Variants in TXNDC16 observed in about 807,000 individuals in gnomAD.
TXNDC16 encodes the protein thioredoxin domain containing 16.
Under a neutral mutation model 85.6 loss-of-function variants are expected in TXNDC16, and 74 were observed. The ratio of observed to expected loss-of-function variants is 0.86; its 90% CI spans 0.72 to 1.05. TXNDC16 has a LOEUF of 1.05. Among genes scored for constraint, TXNDC16 ranks in the 50% least tolerant of loss-of-function variants. The pLI, the probability that TXNDC16 is intolerant of heterozygous loss-of-function variation, is 0.00. For missense variants in TXNDC16, 959 were observed against 947.0 expected, an observed-to-expected ratio of 1.01 and a Z score of -0.17; for synonymous variants, 335 against 326.5, an observed-to-expected ratio of 1.03 and a Z score of -0.28.
intron 18 of TXNDC16, among the ~76,000 whole-genome samples, chr14:52,450,993 G>A (rs1253133444): frequency 6.6e-6 from 1 of 151,738 alleles, no homozygotes; most frequent in Non-Finnish European, 1.5e-5. Context: ...GATGGAGCTG[G>A]AGACCATTAT....
In TXNDC16 at chr14:52,473,755, A is replaced by T. The variant is rs76559200; in HGVS notation, c.1313-3075T>A. On this transcript the variant is annotated intron_variant, in intron 14 of 20. Coordinates refer to ENST00000281741, the MANE Select transcript of TXNDC16 (RefSeq NM_020784.3). ...TCTTAGATACAGGTATTATGTAAGTATAAAATTTTGACATTTGCTGCCACC... is the reference window on the plus strand; with the variant it reads ...TCTTAGATACAGGTATTATGTAAGTTTAAAATTTTGACATTTGCTGCCACC... 4.8e-3 allele frequency among the ~76,000 whole-genome samples: 738 copies of T among 152,352 alleles called. 13 individuals carry two copies. The highest frequency in any genetic ancestry group is 0.039 in the Admixed American group (601 of 15,300).
chr14:52,445,574 T>C (rs1169255848), intron 18 of TXNDC16, among the ~76,000 whole-genome samples: 1 of 152,250 alleles, frequency 6.6e-6, no homozygotes, highest in East Asian at 1.9e-4. Context: ...TTACATTTGT[T>C]GTGCCCTTGA....
chr14:52,474,438 TG>T (rs1003222969), intron 14 of TXNDC16, among the ~76,000 whole-genome samples: 1 of 152,078 alleles, frequency 6.6e-6, no homozygotes, highest in Non-Finnish European at 1.5e-5. Context: ...TAAGAGGATC[TG>T]CTTTTTAAAA....
At chr14:52,483,323 T>C (rs1401921692) in intron 12 of TXNDC16, among the ~76,000 whole-genome samples, 1 of 152,194 alleles carries the variant, frequency 6.6e-6, no homozygotes, top group East Asian at 1.9e-4. Context: ...ATGGAACTTC[T>C]ATCTATGGAA....
At chr14:52,542,227 G>T in intron 4 of TXNDC16, 144 bp downstream of exon 4, 1 of 586,030 alleles carries the variant, frequency 1.7e-6, no homozygotes, top group South Asian at 2.6e-5. Flanking sequence ...TATCTTTCTG[G>T]GCTTCTGTTT....
chr14:52,453,725 T>C (rs1192445375), intron 18 of TXNDC16, among the ~76,000 whole-genome samples: 1 of 152,176 alleles, frequency 6.6e-6, no homozygotes, highest in Non-Finnish European at 1.5e-5. Flanking sequence ...ATCCATATGC[T>C]GAATGAAACT....
At position 52,542,373 on chromosome 14, in the gene TXNDC16, T is replaced by TA; in HGVS notation, c.240_241insT (p.Lys81Ter). The TA allele has an allele frequency of 6.3e-7, 1 of 1,599,336 alleles. No individual in the cohort carries two copies. Among genetic ancestry groups the TA allele is most frequent in the Non-Finnish European group, 8.5e-7 (1 of 1,172,032 alleles). ...TAGTAACATAAATATCTTTCTACCT[T>TA]GGCAACTGAAATTCCATAGTCCTGC... On this transcript the variant is annotated frameshift_variant, in exon 4 of 21. Coordinates refer to ENST00000281741, the MANE Select transcript of TXNDC16 (RefSeq NM_020784.3). LOFTEE classifies it high-confidence loss of function.
intron 9 of TXNDC16, among the ~76,000 whole-genome samples, chr14:52,506,150 G>A (rs533311787): frequency 6.6e-6 from 1 of 152,180 alleles, no homozygotes; most frequent in Non-Finnish European, 1.5e-5. Context: ...GAGGTACAAG[G>A]AGGAGCTGGT....
intron 14 of TXNDC16, among the ~76,000 whole-genome samples, chr14:52,472,300 C>T (rs1242127159): frequency 6.6e-6 from 1 of 151,828 alleles, no homozygotes; most frequent in Non-Finnish European, 1.5e-5. Context: ...CGAGTTCAGG[C>T]GATTCTCCTG....
intron 14 of TXNDC16, among the ~76,000 whole-genome samples, chr14:52,481,057 G>C (rs915456468): frequency 2.0e-5 from 3 of 150,292 alleles, no homozygotes; most frequent in African/African-American, 7.3e-5. Flanking sequence ...GCAGTGACCA[G>C]GATGAGACTG....
At position 52,543,412 on chromosome 14, in the gene TXNDC16, T is replaced by G; in HGVS notation, c.146A>C (p.Tyr49Ser). Residue 49 changes from tyrosine to serine, a missense_variant, in exon 3 of 21, where the codon TAT becomes TCT. By Grantham distance (144) the Tyr-to-Ser change is moderately radical. Coordinates refer to ENST00000281741, the MANE Select transcript of TXNDC16 (RefSeq NM_020784.3). The stretch of plus-strand genomic sequence containing the variant: ...AAAATACTTACCAGCTTGACAAAAA[T>G]AAGCTAAAGAGGCTTTTCCTGGTTG... ...TLQPGKASLA[Y>S]FCQADSPRTS... 1 of 1,604,088 alleles carries G rather than the reference T, an allele frequency of 6.2e-7. No individual in the cohort carries two copies. The highest frequency in any genetic ancestry group is 1.1e-5 in the South Asian group (1 of 88,146).
At chr14:52,540,636 GA>G (rs1456644677) in intron 4 of TXNDC16, among the ~76,000 whole-genome samples, 2 of 151,584 alleles carry the variant, frequency 1.3e-5, no homozygotes, top group African/African-American at 4.8e-5. Context: ...AAAAAAAGAA[GA>G]AAAAAAACTT....
rs368677615 is a variant in TXNDC16, at chr14:52,519,133, A to G, written c.514+39T>C. On this transcript the variant is annotated intron_variant, in intron 7 of 20. Coordinates refer to ENST00000281741, the MANE Select transcript of TXNDC16 (RefSeq NM_020784.3). ...TAAGTACTTCAACATACATAAGTAC[A>G]GAGGCACAGCAAAGATTAAAGCAAA... is the stretch of plus-strand genomic sequence containing the variant. 14 of 1,589,122 alleles carry G rather than the reference A, an allele frequency of 8.8e-6. No individual in the cohort carries two copies. In the African/African-American group the frequency reaches 1.9e-4, roughly 22 times the overall value.
At chr14:52,520,661 T>C (rs921486270) in intron 6 of TXNDC16, among the ~76,000 whole-genome samples, 4 of 152,104 alleles carry the variant, frequency 2.6e-5, no homozygotes, top group Non-Finnish European at 2.9e-5. Context: ...TCTACTTCTA[T>C]ATAAATTCTC....
At chr14:52,513,490 T>C (rs1248369746) in intron 8 of TXNDC16, among the ~76,000 whole-genome samples, 1 of 152,032 alleles carries the variant, frequency 6.6e-6, no homozygotes, top group African/African-American at 2.4e-5. Flanking sequence ...GAAATGATAT[T>C]CCAAACTTCC....
chr14:52,521,579 C>T (rs932437150), intron 6 of TXNDC16, among the ~76,000 whole-genome samples: 1 of 152,218 alleles, frequency 6.6e-6, no homozygotes, highest in Non-Finnish European at 1.5e-5. Context: ...CCAAATAATG[C>T]CTTAGTATTA....
chr14:52,432,241 C>A lies in TXNDC16; in HGVS notation c.*63G>T, dbSNP rs979512636. 7.1e-7 allele frequency: 1 copy of A among 1,417,558 alleles called. No homozygotes were observed. Among genetic ancestry groups the A allele is most frequent in the Non-Finnish European group, 9.5e-7 (1 of 1,052,628 alleles). The allele number at this position is 1,417,558 out of a possible 1,614,324, so 87.8% of individuals were successfully genotyped here. ...AAACTTGAAATGATTTAATATTATT[C>A]TTTAAGGAAATAAATTAAGTCTATC... On this transcript the variant is annotated 3_prime_UTR_variant, in exon 21 of 21. Coordinates refer to ENST00000281741, the MANE Select transcript of TXNDC16 (RefSeq NM_020784.3).
chr14:52,542,065 C>T (rs1229957153), intron 4 of TXNDC16, among the ~76,000 whole-genome samples: 1 of 151,972 alleles, frequency 6.6e-6, no homozygotes, highest in East Asian at 1.9e-4. Context: ...TTAGGCAAAA[C>T]AAAACAGAAC....
At position 52,515,166 on chromosome 14, in the gene TXNDC16, G is replaced by C. The variant is rs184264899; in HGVS notation, c.515-196C>G. On this transcript the variant is annotated intron_variant, in intron 7 of 20. Transcript: ENST00000281741. Reference sequence around the variant, plus strand: ...AAAAAGTCTATTCTATTCAAGGTAAGAGAAGAATTCAGAGGGAGTAGAAAA... The same window carrying C: ...AAAAAGTCTATTCTATTCAAGGTAACAGAAGAATTCAGAGGGAGTAGAAAA... 1.9e-4 allele frequency among the ~76,000 whole-genome samples: 29 copies of C among 152,276 alleles called. No homozygotes were observed. In the East Asian group the frequency reaches 5.6e-3, roughly 29 times the overall value.
Sources: allele counts gnomAD v4.1 joint callset (sites outside exome capture counted in the v4.1 genomes callset), GRCh38; gene constraint gnomAD v4.1.1; transcripts MANE v1.5; gene names NCBI Gene and HGNC (gene_info 2026-07-23, HGNC 2026-07-21).